XIRP2: variants seen among roughly 807,000 people sequenced by gnomAD.
XIRP2 encodes xin actin-binding repeat-containing protein 2.
XIRP2 carries 236 observed loss-of-function variants against 277.0 expected under a neutral mutation model. The ratio of observed to expected loss-of-function variants is 0.85; its 90% CI spans 0.77 to 0.95. The LOEUF is 0.95. Ranked by LOEUF, XIRP2 falls within the 40% of genes least tolerant of loss-of-function variation. The pLI, the probability that XIRP2 is intolerant of heterozygous loss-of-function variation, is 0.00. For missense variants in XIRP2, 4,640 were observed against 4,157.5 expected (o/e 1.12, Z -3.19); for synonymous variants, 1,490 against 1,416.5 (o/e 1.05, Z -1.17).
chr2:167,049,895 A>G (rs191403244), intron 2 of XIRP2, among the ~76,000 whole-genome samples: 1 of 152,004 alleles, frequency 6.6e-6, no homozygotes, highest in Admixed American at 6.6e-5. Flanking sequence ...TCGTTGTTTT[A>G]GTTTTAGTTT....
intron 2 of XIRP2, among the ~76,000 whole-genome samples, chr2:167,124,835 G>T (rs1276017565): frequency 6.6e-6 from 1 of 152,168 alleles, no homozygotes; most frequent in Non-Finnish European, 1.5e-5. Flanking sequence ...AGACAAACGT[G>T]TAAACACTGG....
intron 2 of XIRP2, among the ~76,000 whole-genome samples, chr2:167,054,599 A>G (rs1454573792): frequency 6.6e-6 from 1 of 151,662 alleles, no homozygotes; most frequent in Admixed American, 6.6e-5. Flanking sequence ...CAGGAGAATC[A>G]TCTGAGCCTG....
intron 3 of XIRP2, among the ~76,000 whole-genome samples, chr2:167,153,062 C>G (rs1337920416): frequency 6.6e-6 from 1 of 152,148 alleles, no homozygotes; most frequent in African/African-American, 2.4e-5. Flanking sequence ...TTCATAACTA[C>G]ATACCCATAT....
Position 167,250,006 on chromosome 2 carries a change from A to G in XIRP2, c.8614A>G (p.Thr2872Ala), listed in dbSNP as rs1225517336. ...LDSQTQNFQQ[T>A]QIQTAESKAE... ...TTCACAGACTCAGAATTTTCAGCAA[A>G]CACAAATACAGACCGCTGAAAGTAA... is the stretch of plus-strand genomic sequence containing the variant. Residue 2872 changes from threonine to alanine, a missense_variant, in exon 9 of 11, where the codon ACA becomes GCA. By Grantham distance (58) the Thr-to-Ala change is moderately conservative. Coordinates refer to ENST00000409195, the MANE Select transcript of XIRP2 (RefSeq NM_152381.6). The G allele has an allele frequency of 1.2e-6, 2 of 1,613,546 alleles. No homozygotes were observed. Among genetic ancestry groups the G allele is most frequent in the East Asian group, 2.2e-5 (1 of 44,836 alleles).
At chr2:166,896,416 T>G (rs1365182776) in intron 1 of XIRP2, among the ~76,000 whole-genome samples, 1 of 152,038 alleles carries the variant, frequency 6.6e-6, no homozygotes, top group Non-Finnish European at 1.5e-5. Context: ...AAGACAGTGA[T>G]ATTGATGATC....
At chr2:167,237,616 A>T (rs890411300) in intron 5 of XIRP2, among the ~76,000 whole-genome samples, 13 of 152,160 alleles carry the variant, frequency 8.5e-5, no homozygotes, top group Admixed American at 4.6e-4. Context: ...ATGTTACCTA[A>T]TTCGAAACTT....
At chr2:167,114,109 A>C (rs914521671) in intron 2 of XIRP2, among the ~76,000 whole-genome samples, 30 of 151,946 alleles carry the variant, frequency 2.0e-4, no homozygotes, top group Non-Finnish European at 2.9e-4. Flanking sequence ...GTGCCTGGGG[A>C]ATGGTTTTCT....
chr2:167,061,885 C>T (rs1292397859), intron 2 of XIRP2, among the ~76,000 whole-genome samples: 1 of 152,092 alleles, frequency 6.6e-6, no homozygotes, highest in Non-Finnish European at 1.5e-5. Context: ...GTGTCCAAAA[C>T]TGTGAACAAA....
chr2:167,042,443 C>T (rs2105522003), intron 2 of XIRP2, among the ~76,000 whole-genome samples: 1 of 151,986 alleles, frequency 6.6e-6, no homozygotes, highest in South Asian at 2.1e-4. Context: ...TTAAAAAGAC[C>T]CATATCAAAT....
At chr2:167,205,080 C>A (rs1205348301) in intron 3 of XIRP2, among the ~76,000 whole-genome samples, 1 of 152,178 alleles carries the variant, frequency 6.6e-6, no homozygotes, top group Non-Finnish European at 1.5e-5. Context: ...ATGGCCAGCT[C>A]TTTCAGGATT....
At chr2:167,181,511 A>G (rs1383453336) in intron 3 of XIRP2, among the ~76,000 whole-genome samples, 3 of 152,074 alleles carry the variant, frequency 2.0e-5, no homozygotes, top group Non-Finnish European at 4.4e-5. Context: ...ATTATTAGTA[A>G]TTAATGTTAT....
At chr2:166,913,169 T>A (rs1684759629) in intron 2 of XIRP2, among the ~76,000 whole-genome samples, 1 of 152,228 alleles carries the variant, frequency 6.6e-6, no homozygotes, top group Admixed American at 6.5e-5. Context: ...AAGTTTCTGC[T>A]GCCTTTTGTT....
At chr2:167,192,074 C>G (rs759813268) in intron 3 of XIRP2, among the ~76,000 whole-genome samples, 10 of 151,876 alleles carry the variant, frequency 6.6e-5, no homozygotes, top group Non-Finnish European at 1.3e-4. Context: ...TTTAAAAGCA[C>G]AGTCTGGCAA....
At position 167,249,334 on chromosome 2, in the gene XIRP2, G is replaced by C; in HGVS notation, c.7942G>C (p.Ala2648Pro). Residue 2648 changes from alanine to proline, a missense_variant, in exon 9 of 11, where the codon GCT becomes CCT. Transcript: ENST00000409195. The part of the protein sequence containing the change: ...AAKRLHHVLA[A>P]SEDKDKMKKE... ...CAAGAGGCTCCACCATGTTTTAGCA[G>C]CTTCAGAAGACAAAGATAAGATGAA... is the stretch of plus-strand genomic sequence containing the variant. 6.2e-7 allele frequency: 1 copy of C among 1,613,718 alleles called. No individual in the cohort carries two copies. The highest frequency in any genetic ancestry group is 1.1e-5 in the South Asian group (1 of 91,078).
intron 7 of XIRP2, among the ~76,000 whole-genome samples, chr2:167,241,350 T>A (rs941559771): frequency 3.3e-5 from 5 of 152,222 alleles, no homozygotes; most frequent in African/African-American, 9.6e-5. Context: ...CTTTTCTTGT[T>A]TTATACATTT....
In XIRP2 at chr2:166,934,590, A is replaced by T. The variant is rs577742365; in HGVS notation, c.408+30700A>T. Among the ~76,000 whole-genome samples, 7 of 152,364 alleles carry T rather than the reference A, an allele frequency of 4.6e-5. No homozygotes were observed. The South Asian group carries it at 1.5e-3, about 32-fold the overall frequency. On this transcript the variant is annotated intron_variant, in intron 2 of 10. Coordinates refer to ENST00000409195, the MANE Select transcript of XIRP2 (RefSeq NM_152381.6). ...TACTTTAAGCTGCTAATTTTGTGGC[A>T]ATTTGTTACCTATGAACATAAAATG...
intron 3 of XIRP2, among the ~76,000 whole-genome samples, chr2:167,153,521 T>A (rs1692083657): frequency 1.3e-5 from 2 of 152,244 alleles, no homozygotes; most frequent in South Asian, 4.2e-4. Flanking sequence ...ACTCGTCATT[T>A]AGCATTAGGT....
chr2:166,979,369 C>CTTTTTT (rs66909002), intron 2 of XIRP2, among the ~76,000 whole-genome samples: 62 of 108,508 alleles, frequency 5.7e-4, no homozygotes, highest in Non-Finnish European at 8.4e-4. Flanking sequence ...CTTTTCTTTT[C>CTTTTTT]TTTTTTTTTT....
At chr2:167,193,309 C>G (rs939383664) in intron 3 of XIRP2, among the ~76,000 whole-genome samples, 1 of 152,162 alleles carries the variant, frequency 6.6e-6, no homozygotes. Flanking sequence ...GCCAACCAGT[C>G]ACAGCTTCTT....
Sources: allele counts gnomAD v4.1 joint callset (sites outside exome capture counted in the v4.1 genomes callset), GRCh38; gene constraint gnomAD v4.1.1; transcripts MANE v1.5; gene names NCBI Gene and HGNC (gene_info 2026-07-23, HGNC 2026-07-21).